The following SGCD variants were observed in gnomAD, a reference collection of about 807,000 sequenced individuals.
SGCD encodes delta-sarcoglycan.
SGCD carries 18 observed loss-of-function variants against 36.6 expected under a neutral mutation model. The ratio of observed to expected loss-of-function variants is 0.49; its 90% CI spans 0.34 to 0.73. The LOEUF is 0.73. Ranked by LOEUF, SGCD falls within the 30% of genes least tolerant of loss-of-function variation. SGCD has a pLI of 0.01. For synonymous variants in SGCD, 133 were observed against 130.6 expected (o/e 1.02, Z -0.12); for missense variants, 387 against 346.7 (o/e 1.12, Z -0.92).
intron 3 of SGCD, among the ~76,000 whole-genome samples, chr5:156,412,584 A>G (rs1161193875): frequency 3.3e-5 from 5 of 152,194 alleles, no homozygotes; most frequent in African/African-American, 1.2e-4. Context: ...ACTTTTGTCC[A>G]TAGTCTTACT....
chr5:156,473,349 A>G (rs1755050476), intron 3 of SGCD, among the ~76,000 whole-genome samples: 1 of 152,240 alleles, frequency 6.6e-6, no homozygotes, highest in Non-Finnish European at 1.5e-5. Flanking sequence ...TATAAATTAA[A>G]AATGCATTCA....
intron 3 of SGCD, among the ~76,000 whole-genome samples, chr5:156,264,287 G>A (rs544473118): frequency 1.3e-5 from 2 of 152,060 alleles, no homozygotes; most frequent in East Asian, 3.9e-4. Context: ...TTATCTTTGT[G>A]GTAAAACTTC....
chr5:155,821,453 A>G, the SGCD span, among the ~76,000 whole-genome samples: 5 of 152,142 alleles, frequency 3.3e-5, no homozygotes, highest in African/African-American at 1.2e-4. Context: ...AGCTGGGACT[A>G]CAGGTGCCCA....
At chr5:156,174,007 CT>C (rs1763406067) in intron 3 of SGCD, among the ~76,000 whole-genome samples, 1 of 152,150 alleles carries the variant, frequency 6.6e-6, no homozygotes, top group Non-Finnish European at 1.5e-5. Flanking sequence ...ACATCAGTGG[CT>C]TCATAGATTT....
intron 4 of SGCD, among the ~76,000 whole-genome samples, chr5:156,521,567 A>G (rs920129007): frequency 6.6e-6 from 1 of 152,216 alleles, no homozygotes; most frequent in African/African-American, 2.4e-5. Flanking sequence ...CAAAAGAAGG[A>G]TGCATGTCGC....
chr5:156,115,863 A>G (rs1335395322), intron 1 of SGCD, among the ~76,000 whole-genome samples: 6 of 152,118 alleles, frequency 3.9e-5, no homozygotes, highest in Admixed American at 6.6e-5. Flanking sequence ...TGGATTTCCT[A>G]TAAGTGAGAT....
At chr5:156,422,455 A>G (rs780738037) in intron 3 of SGCD, among the ~76,000 whole-genome samples, 25 of 152,038 alleles carry the variant, frequency 1.6e-4, no homozygotes, top group Non-Finnish European at 3.4e-4. Context: ...CCATTCAAAT[A>G]TAATTGATTG....
intron 1 of SGCD, among the ~76,000 whole-genome samples, chr5:156,068,638 A>G (rs1760419898): frequency 6.6e-6 from 1 of 151,792 alleles, no homozygotes; most frequent in African/African-American, 2.4e-5. Context: ...GTATATACCC[A>G]GTAATGGGAT....
intron 3 of SGCD, among the ~76,000 whole-genome samples, chr5:156,145,127 T>C (rs1762680173): frequency 6.6e-6 from 1 of 152,156 alleles, no homozygotes; most frequent in Admixed American, 6.5e-5. Context: ...GATTGAGTCA[T>C]GGGGGTGGAT....
chr5:155,878,031 A>G (rs1363265372), intron 1 of SGCD, among the ~76,000 whole-genome samples: 1 of 152,088 alleles, frequency 6.6e-6, no homozygotes, highest in Non-Finnish European at 1.5e-5. Context: ...CCCCAATGAT[A>G]TAACACAGAG....
the SGCD span, among the ~76,000 whole-genome samples, chr5:155,776,428 G>A: frequency 6.6e-6 from 1 of 152,102 alleles, no homozygotes; most frequent in Non-Finnish European, 1.5e-5. Context: ...ATGAGACAAT[G>A]TGTGTATGTA....
At chr5:155,957,814 T>A (rs887772022) in intron 1 of SGCD, among the ~76,000 whole-genome samples, 3 of 152,118 alleles carry the variant, frequency 2.0e-5, no homozygotes, top group Non-Finnish European at 4.4e-5. Context: ...TACAACCTAC[T>A]CACAGGTTCT....
At chr5:156,628,173 A>C (rs147844796) in intron 6 of SGCD, among the ~76,000 whole-genome samples, 3 of 152,290 alleles carry the variant, frequency 2.0e-5, no homozygotes, top group Admixed American at 6.5e-5. Flanking sequence ...ATCTCACAGG[A>C]ACTCACTGTC....
chr5:156,344,656 C>G lies in SGCD; in HGVS notation c.171C>G (p.Leu57=). ...ACTTGGCCATGACCATCTGGATTCT[C>G]AAAGTCATGAACTTCACAATTGTAA... ...LVNLAMTIWI[L]KVMNFTIDGM... Residue 57 remains leucine (L), a synonymous_variant, in exon 3 of 9, where the codon CTC becomes CTG. Coordinates refer to ENST00000337851, the MANE Select transcript of SGCD (RefSeq NM_000337.6). 1.9e-6 allele frequency: 3 copies of G among 1,605,474 alleles called. No homozygotes were observed. Among genetic ancestry groups the G allele is most frequent in the Non-Finnish European group, 2.6e-6 (3 of 1,176,150 alleles).
At chr5:155,772,005 A>G in the SGCD span, among the ~76,000 whole-genome samples, 3 of 152,342 alleles carry the variant, frequency 2.0e-5, no homozygotes, top group East Asian at 3.9e-4. Flanking sequence ...GTGAACAAGT[A>G]ATAATTACGA....
At chr5:156,606,372 T>A (rs1761453846) in intron 6 of SGCD, among the ~76,000 whole-genome samples, 1 of 152,196 alleles carries the variant, frequency 6.6e-6, no homozygotes, top group South Asian at 2.1e-4. Context: ...GTGGCATTAT[T>A]TCTGAGGGCT....
upstream of SGCD, among the ~76,000 whole-genome samples, chr5:155,867,072 G>A (rs1755537907): frequency 6.6e-6 from 1 of 152,188 alleles, no homozygotes; most frequent in African/African-American, 2.4e-5. Flanking sequence ...GAGAGGAAAG[G>A]TGGGTGAGTT....
At chr5:156,364,940 G>A (rs758764615) in intron 3 of SGCD, among the ~76,000 whole-genome samples, 1 of 152,186 alleles carries the variant, frequency 6.6e-6, no homozygotes, top group Non-Finnish European at 1.5e-5. Context: ...TCGCCTCTGG[G>A]CATCATGGTG....
chr5:156,206,111 T>C (rs572861455), intron 3 of SGCD, among the ~76,000 whole-genome samples: 2 of 151,328 alleles, frequency 1.3e-5, no homozygotes, highest in African/African-American at 4.8e-5. Flanking sequence ...TCAAAGATCA[T>C]GCATGATATA....
Sources: allele counts gnomAD v4.1 joint callset (sites outside exome capture counted in the v4.1 genomes callset), GRCh38; gene constraint gnomAD v4.1.1; transcripts MANE v1.5; gene names NCBI Gene and HGNC (gene_info 2026-07-23, HGNC 2026-07-21).